The following ATXN2 variants were observed in gnomAD, a reference collection of about 807,000 sequenced individuals.
The protein encoded by ATXN2 is ataxin-2.
Under a neutral mutation model 138.6 loss-of-function variants are expected in ATXN2, and 37 were observed. That is an observed-to-expected ratio of 0.27 (90% CI 0.21 to 0.35). The LOEUF is 0.35. Among genes scored for constraint, ATXN2 ranks in the 10% least tolerant of loss-of-function variants. The pLI, the probability that ATXN2 is intolerant of heterozygous loss-of-function variation, is 1.00. For synonymous variants in ATXN2, 549 were observed against 543.7 expected, an observed-to-expected ratio of 1.01 and a Z score of -0.13; for missense variants, 1,216 against 1,480.3, an observed-to-expected ratio of 0.82 and a Z score of 2.93.
intron 10 of ATXN2, among the ~76,000 whole-genome samples, chr12:111,514,728 T>A (rs986950340): frequency 6.6e-6 from 1 of 152,124 alleles, no homozygotes; most frequent in African/African-American, 2.4e-5. Flanking sequence ...CCTCAAGTGA[T>A]CCACCTGCCT....
In ATXN2 at chr12:111,453,628, G is replaced by C; in HGVS notation, c.3439+49C>G. ...CCTGCCTGCCATTCCACCTGTGCGA[G>C]CAGAATGCTTTGGGGTGCCCCGGCG... On this transcript the variant is annotated intron_variant, in intron 24 of 24. Coordinates refer to ENST00000673436, the MANE Select transcript of ATXN2 (RefSeq NM_001372574.1). This position sits in a 1 kb window ranked among gnomAD's most constrained non-coding sequence, Gnocchi z 5.4. 2 of 1,489,944 alleles carry C rather than the reference G, an allele frequency of 1.3e-6. No homozygotes were observed. Among genetic ancestry groups the C allele is most frequent in the Non-Finnish European group, 1.8e-6 (2 of 1,115,988 alleles). The allele number at this position is 1,489,944 out of a possible 1,614,324, so 92.3% of individuals were successfully genotyped here.
chr12:111,582,087 A>G (rs1884036840), intron 1 of ATXN2, among the ~76,000 whole-genome samples: 1 of 152,120 alleles, frequency 6.6e-6, no homozygotes, highest in Admixed American at 6.6e-5. Flanking sequence ...TAATTTCAAT[A>G]CTTTGGGAGG....
chr12:111,516,467 C>T lies in ATXN2; in HGVS notation c.1166-104G>A, dbSNP rs1879861697. 9.1e-7 allele frequency: 1 copy of T among 1,094,134 alleles called. No homozygotes were observed. The highest frequency in any genetic ancestry group is 1.6e-5 in the South Asian group (1 of 62,878). 67.8% of individuals were successfully genotyped at this position (1,094,134 alleles called of 1,614,324 possible). A position where few individuals can be genotyped will look rare whatever the true frequency, so the allele number is the denominator to read the frequency against. ...AAAATGACAAAAATGATTTCTTGTACATTTTAACCCTTTGAGGACAGTCAT... is the reference window on the plus strand; with the variant it reads ...AAAATGACAAAAATGATTTCTTGTATATTTTAACCCTTTGAGGACAGTCAT... On this transcript the variant is annotated intron_variant, in intron 9 of 24. Transcript: ENST00000673436. This position sits in a 1 kb window ranked among gnomAD's most constrained non-coding sequence, Gnocchi z 5.0.
At chr12:111,588,563 A>G (rs1405185168) in intron 1 of ATXN2, among the ~76,000 whole-genome samples, 2 of 152,008 alleles carry the variant, frequency 1.3e-5, no homozygotes, top group African/African-American at 4.8e-5. Context: ...CAGAGGTTGC[A>G]ATGAGCCGAG....
Position 111,485,301 on chromosome 12 carries a change from G to T in ATXN2, c.2488C>A (p.Pro830Thr). 6.2e-7 allele frequency: 1 copy of T among 1,612,168 alleles called. No homozygotes were observed. The highest frequency in any genetic ancestry group is 2.2e-5 in the East Asian group (1 of 44,840). Residue 830 changes from proline to threonine, a missense_variant, in exon 18 of 25, where the codon CCA becomes ACA. Coordinates refer to ENST00000673436, the MANE Select transcript of ATXN2 (RefSeq NM_001372574.1). ...PLYPIPMTPM[P>T]VNQAKTYRAG... ...CTATATGTCTTGGCTTGATTCACTG[G>T]CATGGGCGTCATAGGTATTGGGTAT... is the stretch of plus-strand genomic sequence containing the variant.
At chr12:111,572,258 G>A (rs546083126) in intron 1 of ATXN2, among the ~76,000 whole-genome samples, 21 of 152,004 alleles carry the variant, frequency 1.4e-4, no homozygotes, top group South Asian at 4.2e-4. Flanking sequence ...GAAATTAGCC[G>A]AGCGTGGTGG....
chr12:111,552,205 G>T lies in ATXN2; in HGVS notation c.571+75C>A. 6.9e-7 allele frequency: 1 copy of T among 1,448,484 alleles called. No individual in the cohort carries two copies. Among genetic ancestry groups the T allele is most frequent in the Non-Finnish European group, 9.2e-7 (1 of 1,085,462 alleles). 89.7% of individuals were successfully genotyped at this position (1,448,484 alleles called of 1,614,324 possible). The stretch of plus-strand genomic sequence containing the variant: ...CCAGATATTTCTTTAAAAAAAGTTT[G>T]TAAGATCACTGTGAAAATCTTTGCT... On this transcript the variant is annotated intron_variant, in intron 5 of 24. Coordinates refer to ENST00000673436, the MANE Select transcript of ATXN2 (RefSeq NM_001372574.1). This position sits in a 1 kb window ranked among gnomAD's most constrained non-coding sequence, Gnocchi z 4.1.
intron 14 of ATXN2, among the ~76,000 whole-genome samples, chr12:111,505,976 G>A (rs1879080338): frequency 6.6e-6 from 1 of 152,076 alleles, no homozygotes. Flanking sequence ...AACAAAATGT[G>A]GTATTATCCA....
At position 111,507,751 on chromosome 12, in the gene ATXN2, G is replaced by A. The variant is rs138424667; in HGVS notation, c.1935+1798C>T. ...AAGGTGGGGAAAAGATTGAGAAATCGGATGGTTGCTGCGTCTGTGGAGAAA... is the reference window on the plus strand; with the variant it reads ...AAGGTGGGGAAAAGATTGAGAAATCAGATGGTTGCTGCGTCTGTGGAGAAA... On this transcript the variant is annotated intron_variant, in intron 14 of 24. Coordinates refer to ENST00000673436, the MANE Select transcript of ATXN2 (RefSeq NM_001372574.1). 6.0e-3 allele frequency among the ~76,000 whole-genome samples: 913 copies of A among 152,328 alleles called. 6 individuals are homozygous for A. Among genetic ancestry groups the A allele is most frequent in the Admixed American group, 0.013 (195 of 15,302 alleles).
intron 14 of ATXN2, among the ~76,000 whole-genome samples, 175 bp downstream of exon 14, chr12:111,509,374 T>C (rs368115908): frequency 5.3e-5 from 8 of 152,370 alleles, no homozygotes; most frequent in African/African-American, 1.9e-4. Flanking sequence ...CCAAATCTCA[T>C]GATTTTAGTT....
chr12:111,563,860 T>C (rs1882834805), intron 1 of ATXN2, among the ~76,000 whole-genome samples: 1 of 152,222 alleles, frequency 6.6e-6, no homozygotes, highest in Non-Finnish European at 1.5e-5. Context: ...AAGTCTTCCT[T>C]CGATTATCTC....
Position 111,457,349 on chromosome 12 carries a change from G to A in ATXN2, c.2907C>T (p.Gly969=). 6.2e-7 allele frequency: 1 copy of A among 1,608,632 alleles called. No individual in the cohort carries two copies. The highest frequency in any genetic ancestry group is 8.5e-7 in the Non-Finnish European group (1 of 1,177,932). ...SPSFYFAIST[G]SLAQQYAHPN... ...GGTGCGCATACTGCTGAGCAAGGGA[G>A]CCCGTGGAAACTAAAGTGAAAGAAA... The change falls in exon 22 of 25, where the codon GGC becomes GGT. Residue 969 remains glycine (G), a synonymous_variant. Transcript: ENST00000673436.
chr12:111,522,554 G>A (rs1355923156), intron 6 of ATXN2, among the ~76,000 whole-genome samples: 2 of 151,472 alleles, frequency 1.3e-5, no homozygotes, highest in Admixed American at 6.6e-5. Context: ...AGCTTGCAGT[G>A]AGCTGAGATC....
At chr12:111,546,802 C>T (rs1881821302) in intron 5 of ATXN2, among the ~76,000 whole-genome samples, 1 of 152,158 alleles carries the variant, frequency 6.6e-6, no homozygotes, top group African/African-American at 2.4e-5. Context: ...TGAAGAGAAC[C>T]TCAGATCTGT....
At chr12:111,581,675 G>A in intron 1 of ATXN2, 1 of 699,840 alleles carries the variant, frequency 1.4e-6, no homozygotes, top group South Asian at 1.5e-5. Flanking sequence ...CCAGGCCTAT[G>A]CCTTTACCGC....
intron 14 of ATXN2, among the ~76,000 whole-genome samples, chr12:111,504,399 G>A (rs1253713110): frequency 2.0e-5 from 3 of 152,154 alleles, no homozygotes; most frequent in African/African-American, 7.2e-5. Context: ...CGAATCTCCT[G>A]CCTCAGCCAC....
At chr12:111,597,714 G>C (rs554260408) in intron 1 of ATXN2, 4 of 589,340 alleles carry the variant, frequency 6.8e-6, no homozygotes, top group African/African-American at 1.9e-5. Context: ...TACAACCCCG[G>C]CTTAGGAGGG....
intron 2 of ATXN2, among the ~76,000 whole-genome samples, chr12:111,555,320 A>G (rs762407710): frequency 6.6e-6 from 1 of 152,214 alleles, no homozygotes; most frequent in African/African-American, 2.4e-5. Flanking sequence ...AATACTATTT[A>G]CAAATGATAT....
chr12:111,557,078 A>G (rs1362172341), intron 1 of ATXN2, among the ~76,000 whole-genome samples: 1 of 152,224 alleles, frequency 6.6e-6, no homozygotes, highest in Non-Finnish European at 1.5e-5. Context: ...TATTCCACTG[A>G]AAAAGATTAG....
Sources: allele counts gnomAD v4.1 joint callset (sites outside exome capture counted in the v4.1 genomes callset), GRCh38; gene constraint gnomAD v4.1.1; non-coding constraint Gnocchi (gnomAD v3.1); transcripts MANE v1.5; gene names NCBI Gene and HGNC (gene_info 2026-07-23, HGNC 2026-07-21).